The following TNNI3K variants were observed in gnomAD, a reference collection of about 807,000 sequenced individuals.
The protein encoded by TNNI3K is TNNI3 interacting kinase, also known as serine/threonine-protein kinase TNNI3K.
A neutral mutation model predicts 114.5 loss-of-function variants in TNNI3K; 140 were observed. The ratio of observed to expected loss-of-function variants is 1.22; its 90% CI spans 1.07 to 1.41. TNNI3K has a LOEUF of 1.41. Among genes scored for constraint, TNNI3K ranks in the 40% most tolerant of loss-of-function variants. TNNI3K has a pLI of 0.00. For missense variants in TNNI3K, 1,125 were observed against 1,007.6 expected (o/e 1.12, Z -1.58); for synonymous variants, 347 against 347.5 (o/e 1.00, Z 0.02).
Position 74,492,178 on chromosome 1 carries a change from C to T in TNNI3K, c.2263C>T (p.Pro755Ser). Residue 755 changes from proline to serine, a missense_variant, in exon 23 of 25, where the codon CCT becomes TCT. Coordinates refer to ENST00000326637, the MANE Select transcript of TNNI3K (RefSeq NM_015978.3). ...SSDCLVNRGG[P>S]GRSHVAALRS... is the part of the protein sequence containing the mutation. ...TGATTGCCTGGTGAACCGGGGAGGA[C>T]CTGGCCGGAGTCATGTGGCAGCATT... 1 of 1,613,190 alleles carries T rather than the reference C, an allele frequency of 6.2e-7. No homozygotes were observed.
At chr1:74,331,597 G>A (rs775924581) in intron 6 of TNNI3K, 49 bp downstream of exon 6, 1 of 1,510,204 alleles carries the variant, frequency 6.6e-7, no homozygotes, top group Non-Finnish European at 9.0e-7. Flanking sequence ...CTTAAGTGTA[G>A]GCTTTTGTTG....
At chr1:74,537,356 A>C (rs3845346) in intron 23 of TNNI3K, among the ~76,000 whole-genome samples, 142,849 of 152,200 alleles carry the variant, frequency 0.94, 67,160 homozygotes, top group Middle Eastern at 0.97. Flanking sequence ...TGATTGAGAA[A>C]ACATTATGTC....
At chr1:74,517,633 G>A (rs960361236) in intron 23 of TNNI3K, among the ~76,000 whole-genome samples, 9 of 152,158 alleles carry the variant, frequency 5.9e-5, no homozygotes, top group African/African-American at 1.7e-4. Context: ...AACTCACAGT[G>A]GCAACCTCAA....
chr1:74,386,494 A>G (rs1010981634), intron 17 of TNNI3K, among the ~76,000 whole-genome samples: 2 of 152,188 alleles, frequency 1.3e-5, no homozygotes, highest in Admixed American at 1.3e-4. Flanking sequence ...ATGAAATTTG[A>G]TACAGTAACT....
intron 23 of TNNI3K, among the ~76,000 whole-genome samples, chr1:74,503,442 C>T (rs907872705): frequency 4.6e-5 from 7 of 152,128 alleles, no homozygotes; most frequent in African/African-American, 1.7e-4. Flanking sequence ...TAGTATCTAA[C>T]CCTCACTTCA....
intron 17 of TNNI3K, among the ~76,000 whole-genome samples, chr1:74,422,862 T>C (rs1408447838): frequency 1.3e-5 from 2 of 152,098 alleles, no homozygotes; most frequent in Admixed American, 6.6e-5. Flanking sequence ...CTCGTAGACA[T>C]CTTTAGAATA....
At chr1:74,401,966 G>T in intron 17 of TNNI3K, 1 of 380,238 alleles carries the variant, frequency 2.6e-6, no homozygotes, top group South Asian at 2.1e-5. Context: ...AGGTATTGAT[G>T]GAAATGATAC....
intron 17 of TNNI3K, among the ~76,000 whole-genome samples, chr1:74,424,308 C>T (rs1392686937): frequency 6.6e-5 from 10 of 151,946 alleles, no homozygotes; most frequent in Non-Finnish European, 1.0e-4. Flanking sequence ...CAATAGTTTA[C>T]GTTGAAAAGG....
At chr1:74,445,603 C>CT (rs1234823064) in intron 20 of TNNI3K, among the ~76,000 whole-genome samples, 1,445 of 130,910 alleles carry the variant, frequency 0.011, 101 homozygotes, top group African/African-American at 0.042. Flanking sequence ...TCCACATTTT[C>CT]TTTTTTTTCT....
chr1:74,250,707 G>A lies in TNNI3K; in HGVS notation c.271G>A (p.Gly91Arg), dbSNP rs1654876373. The A allele has an allele frequency of 2.5e-6, 4 of 1,612,834 alleles. No homozygotes were observed. The South Asian group carries it at 3.3e-5, about 13-fold the overall frequency. ...ACATATTCGAACTCTTATGTTGAAA[G>A]GGCTCCGCCCATCTCGACTGACAAG... ...KSHIRTLMLK[G>R]LRPSRLTRNG... Residue 91 changes from glycine to arginine, a missense_variant, in exon 4 of 25, where the codon GGG becomes AGG. Coordinates refer to ENST00000326637, the MANE Select transcript of TNNI3K (RefSeq NM_015978.3).
In TNNI3K at chr1:74,362,258, C is replaced by T. The variant is rs149723781; in HGVS notation, c.1178-4998C>T. 2.3e-3 allele frequency among the ~76,000 whole-genome samples: 356 copies of T among 152,184 alleles called. 1 individual carries two copies. The highest frequency in any genetic ancestry group is 8.2e-3 in the African/African-American group (342 of 41,546). ...GATATATTAAAATATTGAACAAAGC[C>T]TAATATTTATCATTACTGTGAAAGT... On this transcript the variant is annotated intron_variant, in intron 11 of 24. Coordinates refer to ENST00000326637, the MANE Select transcript of TNNI3K (RefSeq NM_015978.3).
chr1:74,424,718 C>CAAAAA (rs71588833), intron 17 of TNNI3K, among the ~76,000 whole-genome samples: 1 of 113,772 alleles, frequency 8.8e-6, no homozygotes, highest in Non-Finnish European at 1.7e-5. Flanking sequence ...GAGTCCATCT[C>CAAAAA]AAAAAAAAAA....
chr1:74,454,218 G>A (rs1041057657), intron 20 of TNNI3K, among the ~76,000 whole-genome samples: 9 of 151,938 alleles, frequency 5.9e-5, no homozygotes, highest in African/African-American at 2.2e-4. Context: ...TTGGATTAGG[G>A]ACATTCTAAT....
chr1:74,293,268 T>C (rs935364628), intron 5 of TNNI3K, among the ~76,000 whole-genome samples: 1 of 151,724 alleles, frequency 6.6e-6, no homozygotes, highest in African/African-American at 2.4e-5. Context: ...ATTAAGTGCC[T>C]GTATATGTGA....
chr1:74,466,897 T>A (rs1570657080), intron 21 of TNNI3K, among the ~76,000 whole-genome samples: 1 of 152,046 alleles, frequency 6.6e-6, no homozygotes, highest in Non-Finnish European at 1.5e-5. Context: ...TTAAATGGAG[T>A]TTAAGACCTG....
At chr1:74,400,193 G>A (rs191894503) in intron 17 of TNNI3K, among the ~76,000 whole-genome samples, 61 of 152,300 alleles carry the variant, frequency 4.0e-4, no homozygotes, top group Admixed American at 1.6e-3. Context: ...TATGGATTAG[G>A]AATAGACATC....
chr1:74,335,903 T>C (rs1660438182), intron 6 of TNNI3K, 108 bp from the exon 7 acceptor site: 5 of 1,245,588 alleles, frequency 4.0e-6, no homozygotes, highest in Non-Finnish European at 5.4e-6. Context: ...CTAGGTGATA[T>C]AACAATAAAT....
chr1:74,236,478 G>C (rs771305402), intron 2 of TNNI3K, among the ~76,000 whole-genome samples: 5 of 151,736 alleles, frequency 3.3e-5, no homozygotes, highest in Non-Finnish European at 7.4e-5. Flanking sequence ...TTGAATGCAA[G>C]CTATTGTTGA....
At chr1:74,333,547 C>T (rs577413843) in intron 6 of TNNI3K, among the ~76,000 whole-genome samples, 94 of 152,266 alleles carry the variant, frequency 6.2e-4, no homozygotes, top group Non-Finnish European at 1.2e-3. Context: ...AAAATATAGT[C>T]ACAGTCTTAT....
Sources: allele counts gnomAD v4.1 joint callset (sites outside exome capture counted in the v4.1 genomes callset), GRCh38; gene constraint gnomAD v4.1.1; transcripts MANE v1.5; gene names NCBI Gene and HGNC (gene_info 2026-07-23, HGNC 2026-07-21).